The following EFCAB6 variants were observed in gnomAD, a reference collection of about 807,000 sequenced individuals.
The protein encoded by EFCAB6 is EF-hand calcium-binding domain-containing protein 6.
Under a neutral mutation model 169.8 loss-of-function variants are expected in EFCAB6, and 156 were observed. That is an observed-to-expected ratio of 0.92 (90% CI 0.81 to 1.05). The LOEUF is 1.05. Among genes scored for constraint, EFCAB6 ranks in the 50% least tolerant of loss-of-function variants. The probability of loss-of-function intolerance (pLI) is 0.00; values close to 1 mark genes in which losing one functional copy is unlikely to be tolerated. For missense variants in EFCAB6, 1,800 were observed against 1,829.1 expected, an observed-to-expected ratio of 0.98 and a Z score of 0.29; for synonymous variants, 698 against 676.4, an observed-to-expected ratio of 1.03 and a Z score of -0.50.
rs1191791402 is a variant in EFCAB6, at chr22:43,716,872, T to G, written c.858A>C (p.Glu286Asp). 1.2e-6 allele frequency: 2 copies of G among 1,603,964 alleles called. No homozygotes were observed. Among genetic ancestry groups the G allele is most frequent in the African/African-American group, 2.7e-5 (2 of 74,652 alleles). ...EDIWRNYSLD[E>D]IERNFCLQLS... ...CTTGTAGACAAAAGTTCCTCTCAAT[T>G]TCATCCAAGGAGTAGTTTCTCCAGA... The change falls in exon 9 of 32, where the codon GAA (glutamate) becomes GAC (aspartate). Residue 286 changes from glutamate (E) to aspartate (D), a missense_variant. Transcript: ENST00000262726.
chr22:43,649,714 AG>A (rs1171073463), intron 17 of EFCAB6, among the ~76,000 whole-genome samples: 1 of 152,182 alleles, frequency 6.6e-6, no homozygotes, highest in African/African-American at 2.4e-5. Context: ...CAAATGAAAA[AG>A]ACAGAAAAAA....
chr22:43,651,004 T>C (rs911761751), intron 17 of EFCAB6, among the ~76,000 whole-genome samples: 1 of 152,088 alleles, frequency 6.6e-6, no homozygotes, highest in South Asian at 2.1e-4. Context: ...TTCAGAAAAT[T>C]TGCAGCCTGA....
At chr22:43,695,853 G>C (rs562048824) in intron 10 of EFCAB6, among the ~76,000 whole-genome samples, 7 of 152,180 alleles carry the variant, frequency 4.6e-5, no homozygotes, top group South Asian at 2.1e-4. Flanking sequence ...AAGCTAAAAT[G>C]ACTAAACTTC....
At chr22:43,781,314 G>T (rs1020498109) in intron 3 of EFCAB6, among the ~76,000 whole-genome samples, 7 of 152,088 alleles carry the variant, frequency 4.6e-5, no homozygotes, top group Admixed American at 1.3e-4. Flanking sequence ...AGGCAACCAA[G>T]ATGTCTATTT....
At chr22:43,557,507 C>T (rs1047768610) in intron 26 of EFCAB6, among the ~76,000 whole-genome samples, 4 of 151,856 alleles carry the variant, frequency 2.6e-5, no homozygotes, top group African/African-American at 9.7e-5. Context: ...CAGGTAACCA[C>T]AAAAGAAATG....
chr22:43,742,456 T>C lies in EFCAB6; in HGVS notation c.508-6463A>G, dbSNP rs866138362. Among the ~76,000 whole-genome samples the C allele has an allele frequency of 2.6e-5, 4 of 152,380 alleles. No individual in the cohort carries two copies. In the South Asian group the frequency reaches 8.3e-4, roughly 32 times the overall value. On this transcript the variant is annotated intron_variant, in intron 6 of 31. Transcript: ENST00000262726. ...CTCCACCCTATACACCATCCTCGCT[T>C]ACTTACATCTGAGTGGGTGAGGAAG...
At chr22:43,561,286 G>A (rs1602266049) in intron 26 of EFCAB6, among the ~76,000 whole-genome samples, 1 of 151,866 alleles carries the variant, frequency 6.6e-6, no homozygotes, top group African/African-American at 2.4e-5. Flanking sequence ...GAACCCAGGA[G>A]GCAGAGGTTG....
chr22:43,652,530 G>A (rs2056523189), intron 17 of EFCAB6, among the ~76,000 whole-genome samples: 1 of 152,068 alleles, frequency 6.6e-6, no homozygotes, highest in Non-Finnish European at 1.5e-5. Flanking sequence ...AGGAGCAGGA[G>A]TAGTTAAAAA....
intron 10 of EFCAB6, among the ~76,000 whole-genome samples, chr22:43,695,939 A>T (rs1364946052): frequency 6.6e-6 from 1 of 152,030 alleles, no homozygotes; most frequent in Non-Finnish European, 1.5e-5. Flanking sequence ...CCCCCAAAAT[A>T]TTACCCATAA....
intron 13 of EFCAB6, among the ~76,000 whole-genome samples, chr22:43,675,599 T>C (rs1339796075): frequency 6.9e-6 from 1 of 144,114 alleles, no homozygotes; most frequent in East Asian, 2.0e-4. Flanking sequence ...TTATACTATA[T>C]ATCTGATATA....
intron 4 of EFCAB6, among the ~76,000 whole-genome samples, chr22:43,772,654 AAAAAG>A (rs1035098696): frequency 3.9e-5 from 6 of 152,042 alleles, no homozygotes; most frequent in African/African-American, 1.2e-4. Context: ...AAAAAAAAAA[AAAAAG>A]AAAGAAAGAA....
At chr22:43,591,104 GT>G (rs1322016271) in intron 23 of EFCAB6, among the ~76,000 whole-genome samples, 4 of 104,382 alleles carry the variant, frequency 3.8e-5, no homozygotes, top group Non-Finnish European at 7.9e-5. Context: ...GTTGTTTTTT[GT>G]TTTTTGTTTT....
intron 4 of EFCAB6, among the ~76,000 whole-genome samples, chr22:43,769,856 A>ATT (rs11394966): frequency 3.0e-4 from 43 of 143,654 alleles, no homozygotes; most frequent in East Asian, 1.6e-3. Flanking sequence ...AGGTGAGCTA[A>ATT]TTTTTTTTTT....
At chr22:43,781,531 G>A (rs1224697093) in intron 3 of EFCAB6, among the ~76,000 whole-genome samples, 1 of 152,070 alleles carries the variant, frequency 6.6e-6, no homozygotes, top group East Asian at 1.9e-4. Flanking sequence ...GTCTTACTAT[G>A]TTGCCCAGCT....
intron 17 of EFCAB6, among the ~76,000 whole-genome samples, chr22:43,665,329 G>A (rs2057197868): frequency 3.9e-5 from 6 of 152,142 alleles, no homozygotes; most frequent in Admixed American, 3.9e-4. Context: ...GTGACAGAAG[G>A]ATGGGCCAGG....
rs2058238040 is a variant in EFCAB6, at chr22:43,687,395, G to A, written c.1142+76C>T. ...TCATTCAATAAATGCAGAAAAAGTAGCACAGATATTCTCTGATATTTTACA... is the reference window on the plus strand; with the variant it reads ...TCATTCAATAAATGCAGAAAAAGTAACACAGATATTCTCTGATATTTTACA... On this transcript the variant is annotated intron_variant, in intron 11 of 31. Transcript: ENST00000262726. 4 of 880,346 alleles carry A rather than the reference G, an allele frequency of 4.5e-6. No individual in the cohort carries two copies. In the East Asian group the frequency reaches 8.5e-5, roughly 19 times the overall value. The allele number at this position is 880,346 out of a possible 1,614,324, so 54.5% of individuals were successfully genotyped here. A position where few individuals can be genotyped will look rare whatever the true frequency, so the allele number is the denominator to read the frequency against.
chr22:43,734,924 G>C (rs1228974159), intron 7 of EFCAB6, among the ~76,000 whole-genome samples: 2 of 152,148 alleles, frequency 1.3e-5, no homozygotes, highest in Non-Finnish European at 2.9e-5. Flanking sequence ...GAGCTACCGG[G>C]ACCCATTTTC....
chr22:43,722,697 A>G (rs1258470823), intron 8 of EFCAB6, among the ~76,000 whole-genome samples: 2 of 152,196 alleles, frequency 1.3e-5, no homozygotes, highest in Non-Finnish European at 2.9e-5. Context: ...CAGCAATCCA[A>G]TTACTGGGCA....
intron 10 of EFCAB6, among the ~76,000 whole-genome samples, chr22:43,697,364 T>C (rs2147237301): frequency 6.6e-6 from 1 of 152,336 alleles, no homozygotes; most frequent in African/African-American, 2.4e-5. Flanking sequence ...AAACAGAATG[T>C]AATCTATACC....
Sources: gnomAD v4.1 joint callset for allele counts (sites outside exome capture counted in the v4.1 genomes callset) on GRCh38, gnomAD v4.1.1 for gene constraint, MANE v1.5 for transcripts, NCBI Gene and HGNC (gene_info 2026-07-23, HGNC 2026-07-21) for gene names.